The following C9orf85 variants were observed in gnomAD, a reference collection of about 807,000 sequenced individuals.
C9orf85 encodes the protein chromosome 9 open reading frame 85.
Under a neutral mutation model 14.9 loss-of-function variants are expected in C9orf85, and 16 were observed. That is an observed-to-expected ratio of 1.08 (90% CI 0.73 to 1.63). The LOEUF (loss-of-function observed/expected upper bound fraction) is 1.63, where lower values mean the gene tolerates loss of function less well. Among genes scored for constraint, C9orf85 ranks in the 40% most tolerant of loss-of-function variants. The pLI is 0.00. For synonymous variants in C9orf85, 45 were observed against 56.8 expected, an observed-to-expected ratio of 0.79 and a Z score of 0.93; for missense variants, 172 against 186.1, an observed-to-expected ratio of 0.92 and a Z score of 0.44.
At chr9:71,937,838 G>A (rs921929065) in intron 1 of C9orf85, among the ~76,000 whole-genome samples, 2 of 152,048 alleles carry the variant, frequency 1.3e-5, no homozygotes, top group Non-Finnish European at 2.9e-5. Flanking sequence ...GTTTTTTAGG[G>A]TAATAAATTT....
intron 1 of C9orf85, among the ~76,000 whole-genome samples, chr9:71,924,375 G>A (rs1286604499): frequency 7.3e-5 from 9 of 122,918 alleles, no homozygotes; most frequent in African/African-American, 2.3e-4. Flanking sequence ...AAATGTTAAC[G>A]CAAATTGTCC....
chr9:71,925,203 G>C (rs905689189), intron 1 of C9orf85, among the ~76,000 whole-genome samples: 12 of 152,114 alleles, frequency 7.9e-5, no homozygotes, highest in Non-Finnish European at 1.8e-4. Context: ...ATTCAAAATG[G>C]CTGACTGAAC....
At chr9:71,973,622 C>T (rs1032080100), downstream of C9orf85, among the ~76,000 whole-genome samples, 7 of 152,008 alleles carry the variant, frequency 4.6e-5, no homozygotes, top group African/African-American at 1.2e-4. Context: ...ATAATTTATA[C>T]ACTTTATAAG....
At chr9:71,924,137 C>G (rs1323086749) in intron 1 of C9orf85, among the ~76,000 whole-genome samples, 1 of 152,194 alleles carries the variant, frequency 6.6e-6, no homozygotes, top group Non-Finnish European at 1.5e-5. Context: ...GATTTTCTAA[C>G]AGTGATTAAT....
At chr9:71,958,419 C>A (rs183067799) in intron 2 of C9orf85, among the ~76,000 whole-genome samples, 3 of 151,450 alleles carry the variant, frequency 2.0e-5, no homozygotes, top group Non-Finnish European at 4.4e-5. Context: ...TGCGCCACCA[C>A]GACCAGCTAA....
At chr9:71,981,469 T>G (rs953835765) in intron 3 of C9orf85, among the ~76,000 whole-genome samples, 1 of 152,256 alleles carries the variant, frequency 6.6e-6, no homozygotes, top group South Asian at 2.1e-4. Flanking sequence ...CTTGGTTCAC[T>G]GCTGCATTAA....
chr9:71,930,152 G>A (rs536833384), intron 1 of C9orf85, among the ~76,000 whole-genome samples: 1 of 152,054 alleles, frequency 6.6e-6, no homozygotes, highest in South Asian at 2.1e-4. Flanking sequence ...AAACTTTGTA[G>A]ATAAATAATT....
chr9:71,948,293 C>T (rs1822151727), intron 2 of C9orf85, among the ~76,000 whole-genome samples: 1 of 151,960 alleles, frequency 6.6e-6, no homozygotes, highest in Non-Finnish European at 1.5e-5. Flanking sequence ...TACAATATGA[C>T]CTTTGTTTAT....
rs192104604 is a variant in C9orf85, at chr9:71,966,856, G to A, written c.210-4649G>A. Among the ~76,000 whole-genome samples, 8 of 152,314 alleles carry A rather than the reference G, an allele frequency of 5.3e-5. No homozygotes were observed. The East Asian group carries it at 1.5e-3, about 29-fold the overall frequency. The stretch of plus-strand genomic sequence containing the variant: ...TCTGTCAGACCTTTAAAGTTTTAGA[G>A]CTGAGTTGATCTTTCCTAGATCCAG... On this transcript the variant is annotated intron_variant, in intron 2 of 3. Transcript: ENST00000334731.
At chr9:71,923,089 C>T (rs973944356) in intron 1 of C9orf85, among the ~76,000 whole-genome samples, 5 of 152,164 alleles carry the variant, frequency 3.3e-5, no homozygotes, top group South Asian at 4.1e-4. Flanking sequence ...GAGGTCGCGC[C>T]GCTGCACTCC....
At chr9:71,921,920 ATTT>A (rs148538016) in intron 1 of C9orf85, among the ~76,000 whole-genome samples, 64,142 of 146,522 alleles carry the variant, frequency 0.44, 14,514 homozygotes, top group South Asian at 0.57. Context: ...TTGGCTTTTT[ATTT>A]TTTTTTTATT....
chr9:71,949,268 T>C (rs753456895), intron 2 of C9orf85, among the ~76,000 whole-genome samples: 3 of 152,210 alleles, frequency 2.0e-5, no homozygotes, highest in Non-Finnish European at 4.4e-5. Flanking sequence ...AGGAAATGAT[T>C]TAAAAACATT....
chr9:71,963,825 C>G (rs995960766), intron 2 of C9orf85, among the ~76,000 whole-genome samples: 6 of 152,204 alleles, frequency 3.9e-5, no homozygotes, highest in African/African-American at 7.2e-5. Context: ...CCTCCCACCC[C>G]TCCCTGGACT....
chr9:71,975,316 C>T (rs1822979271), downstream of C9orf85, among the ~76,000 whole-genome samples: 4 of 151,850 alleles, frequency 2.6e-5, no homozygotes, highest in Admixed American at 2.6e-4. Flanking sequence ...TGGTAGGTGC[C>T]TGCAATCCCA....
chr9:71,948,425 A>G (rs1363140161), intron 2 of C9orf85, among the ~76,000 whole-genome samples: 4 of 152,164 alleles, frequency 2.6e-5, no homozygotes, highest in African/African-American at 7.2e-5. Flanking sequence ...AAACTAACTT[A>G]AGCTTTTTAG....
At chr9:71,978,934 C>G (rs1823050767) in intron 3 of C9orf85, among the ~76,000 whole-genome samples, 1 of 152,070 alleles carries the variant, frequency 6.6e-6, no homozygotes, top group Admixed American at 6.6e-5. Context: ...ACTTGGGAGG[C>G]TGAGGCAGGA....
At position 71,916,507 on chromosome 9, in the gene C9orf85, C is replaced by T. The variant is rs535190516; in HGVS notation, c.102+4671C>T. Among the ~76,000 whole-genome samples, 4 of 152,126 alleles carry T rather than the reference C, an allele frequency of 2.6e-5. No individual in the cohort carries two copies. The East Asian group carries it at 7.7e-4, about 29-fold the overall frequency. ...AATTATTCAACCAAAACTTGCTTGGCTATGGAACGCTTTGATTTACATAAT... is the reference window on the plus strand; with the variant it reads ...AATTATTCAACCAAAACTTGCTTGGTTATGGAACGCTTTGATTTACATAAT... On this transcript the variant is annotated intron_variant, in intron 1 of 3. Transcript: ENST00000334731.
chr9:71,943,466 C>A (rs890293261), intron 1 of C9orf85, among the ~76,000 whole-genome samples: 1 of 152,068 alleles, frequency 6.6e-6, no homozygotes, highest in African/African-American at 2.4e-5. Context: ...CATGTTGATA[C>A]AGATATAATA....
chr9:71,969,396 C>T (rs879349859), intron 2 of C9orf85, among the ~76,000 whole-genome samples: 1 of 152,166 alleles, frequency 6.6e-6, no homozygotes, highest in Non-Finnish European at 1.5e-5. Flanking sequence ...CCTGCCTCAG[C>T]CTCCCAAAGT....
Sources: allele counts gnomAD v4.1 joint callset (sites outside exome capture counted in the v4.1 genomes callset), GRCh38; gene constraint gnomAD v4.1.1; transcripts MANE v1.5; gene names NCBI Gene and HGNC (gene_info 2026-07-23, HGNC 2026-07-21).